Variants in CENPP observed in about 807,000 individuals in gnomAD.
CENPP encodes centromere protein P.
A neutral mutation model predicts 35.6 loss-of-function variants in CENPP; 24 were observed. The observed-to-expected ratio is 0.67, with a 90% CI of 0.49 to 0.95. The LOEUF (loss-of-function observed/expected upper bound fraction) is 0.95, where lower values mean the gene tolerates loss of function less well. Ranked by LOEUF, CENPP falls within the 40% of genes least tolerant of loss-of-function variation. The probability of loss-of-function intolerance (pLI) is 0.00; values close to 1 mark genes in which losing one functional copy is unlikely to be tolerated. For missense variants in CENPP, 332 were observed against 345.3 expected (o/e 0.96, Z 0.31); for synonymous variants, 120 against 125.5 (o/e 0.96, Z 0.29).
intron 6 of CENPP, 42 bp downstream of exon 6, chr9:92,611,435 A>G (rs894568435): frequency 4.1e-5 from 62 of 1,518,314 alleles, no homozygotes; most frequent in Non-Finnish European, 5.5e-5. Flanking sequence ...TTCCTGTTCA[A>G]ACAAGGATTC....
At chr9:92,551,663 C>T (rs1233691925) in intron 5 of CENPP, among the ~76,000 whole-genome samples, 1 of 151,746 alleles carries the variant, frequency 6.6e-6, no homozygotes, top group Non-Finnish European at 1.5e-5. Flanking sequence ...GTCTTTTATC[C>T]CTCACCCCAC....
At chr9:92,381,419 G>A (rs1291568770) in intron 5 of CENPP, among the ~76,000 whole-genome samples, 1 of 151,734 alleles carries the variant, frequency 6.6e-6, no homozygotes, top group Non-Finnish European at 1.5e-5. Context: ...CAAGTAGCTG[G>A]GACTACAGGC....
In CENPP at chr9:92,533,326, AAAATATAT is replaced by A. The variant is rs1400586623; in HGVS notation, c.565-77986_565-77979del. On this transcript the variant is annotated intron_variant, in intron 5 of 7. Coordinates refer to ENST00000375587, the MANE Select transcript of CENPP (RefSeq NM_001012267.3). The stretch of plus-strand genomic sequence containing the variant: ...AACAAAAAAAAAAAAAAAAAAAAAA[AAAATATAT>A]ATATATATATATATATATATATATG... 1.8e-4 allele frequency among the ~76,000 whole-genome samples: 12 copies of A among 67,810 alleles called. No homozygotes were observed. The East Asian group carries it at 2.2e-3, about 13-fold the overall frequency. The allele number at this position is 67,810 out of a possible 152,430, so 44.5% of individuals were successfully genotyped here. A position where few individuals can be genotyped will look rare whatever the true frequency, so the allele number is the denominator to read the frequency against.
intron 5 of CENPP, among the ~76,000 whole-genome samples, chr9:92,422,577 T>C (rs1843839965): frequency 6.6e-6 from 1 of 152,202 alleles, no homozygotes; most frequent in Admixed American, 6.5e-5. Flanking sequence ...AGAAAGTCTT[T>C]CCTTGAGGAA....
At chr9:92,399,764 G>GGT (rs1337126164) in intron 5 of CENPP, among the ~76,000 whole-genome samples, 1 of 152,010 alleles carries the variant, frequency 6.6e-6, no homozygotes, top group African/African-American at 2.4e-5. Flanking sequence ...GACCATTTTT[G>GGT]CTTCAGTGAT....
intron 5 of CENPP, among the ~76,000 whole-genome samples, chr9:92,508,023 C>G (rs1195248841): frequency 2.6e-5 from 4 of 152,188 alleles, no homozygotes; most frequent in African/African-American, 9.6e-5. Context: ...CTCCTTCCCC[C>G]TCTCTGGAGC....
intron 5 of CENPP, among the ~76,000 whole-genome samples, chr9:92,531,259 C>T (rs989207276): frequency 6.6e-6 from 1 of 151,874 alleles, no homozygotes; most frequent in African/African-American, 2.4e-5. Flanking sequence ...AGTAATTATA[C>T]ACTTTTTACC....
intron 5 of CENPP, among the ~76,000 whole-genome samples, chr9:92,422,211 T>G (rs918186907): frequency 6.6e-6 from 1 of 152,128 alleles, no homozygotes; most frequent in Non-Finnish European, 1.5e-5. Flanking sequence ...CCACCACGAC[T>G]GGCTACATTT....
At chr9:92,511,186 C>T (rs1023056927) in intron 5 of CENPP, among the ~76,000 whole-genome samples, 51 of 152,128 alleles carry the variant, frequency 3.4e-4, no homozygotes, top group African/African-American at 1.0e-3. Flanking sequence ...AGTGCAATGG[C>T]GCGATCTCGG....
At chr9:92,439,616 A>G (rs1301450137) in intron 5 of CENPP, among the ~76,000 whole-genome samples, 2 of 152,054 alleles carry the variant, frequency 1.3e-5, no homozygotes, top group Non-Finnish European at 2.9e-5. Context: ...TCCACATCTA[A>G]ACTTGTGTGG....
chr9:92,488,120 C>T (rs1846102907), intron 5 of CENPP, among the ~76,000 whole-genome samples: 1 of 152,186 alleles, frequency 6.6e-6, no homozygotes, highest in South Asian at 2.1e-4. Context: ...ATATTTTCAA[C>T]TTACGGTGGG....
intron 5 of CENPP, among the ~76,000 whole-genome samples, chr9:92,532,015 G>GTTTTTTTTTATTTATTTTTTTTTTTTTT (rs1848800192): frequency 1.0e-5 from 1 of 95,732 alleles, no homozygotes; most frequent in Non-Finnish European, 1.9e-5. Flanking sequence ...TTTATTTAAT[G>GTTTTTTTTTATTTATTTTTTTTTTTTTT]TTTTTTTTTT....
intron 5 of CENPP, among the ~76,000 whole-genome samples, chr9:92,575,465 A>G (rs1447838492): frequency 6.6e-6 from 1 of 152,212 alleles, no homozygotes; most frequent in East Asian, 1.9e-4. Flanking sequence ...ATCACTAATC[A>G]TTAGGGAGCT....
chr9:92,496,952 A>C (rs1846381145), intron 5 of CENPP, among the ~76,000 whole-genome samples: 1 of 152,098 alleles, frequency 6.6e-6, no homozygotes, highest in Non-Finnish European at 1.5e-5. Flanking sequence ...AAAAAAAAAA[A>C]AAATCCAGAA....
intron 5 of CENPP, among the ~76,000 whole-genome samples, chr9:92,410,390 A>T (rs1843413949): frequency 6.6e-6 from 1 of 152,212 alleles, no homozygotes; most frequent in Non-Finnish European, 1.5e-5. Context: ...GGGAGGAGCC[A>T]GAGCAGAGTT....
chr9:92,575,491 G>C (rs1185469584), intron 5 of CENPP, among the ~76,000 whole-genome samples: 1 of 152,178 alleles, frequency 6.6e-6, no homozygotes. Context: ...TTAAAATACA[G>C]TGAGATACCA....
chr9:92,601,523 C>T (rs1016772545), intron 5 of CENPP, among the ~76,000 whole-genome samples: 2 of 152,196 alleles, frequency 1.3e-5, no homozygotes, highest in African/African-American at 4.8e-5. Flanking sequence ...AACCCCATCT[C>T]GCCTCCCCCG....
At chr9:92,407,194 T>A (rs999238461) in intron 5 of CENPP, among the ~76,000 whole-genome samples, 17 of 152,110 alleles carry the variant, frequency 1.1e-4, no homozygotes, top group African/African-American at 4.1e-4. Flanking sequence ...TATTGGGGCT[T>A]TATTAATAGG....
intron 4 of CENPP, among the ~76,000 whole-genome samples, chr9:92,373,565 C>G (rs1485881024): frequency 1.3e-5 from 2 of 152,062 alleles, no homozygotes; most frequent in Admixed American, 1.3e-4. Context: ...TGGTGGCTCA[C>G]GCCTGTAACC....
Sources: allele counts gnomAD v4.1 joint callset (sites outside exome capture counted in the v4.1 genomes callset), GRCh38; gene constraint gnomAD v4.1.1; transcripts MANE v1.5; gene names NCBI Gene and HGNC (gene_info 2026-07-23, HGNC 2026-07-21).